The following ASPRV1 variants were observed in gnomAD, a reference collection of about 807,000 sequenced individuals.
ASPRV1 encodes retroviral-like aspartic protease 1.
ASPRV1 carries 7 observed loss-of-function variants against 11.0 expected under a neutral mutation model. That is an observed-to-expected ratio of 0.64 (90% confidence interval 0.36 to 1.20). The LOEUF (loss-of-function observed/expected upper bound fraction) is 1.20. ASPRV1 is among the 50% of genes most tolerant of loss of function. ASPRV1 has a pLI of 0.02. For synonymous variants in ASPRV1, 136 were observed against 138.4 expected (o/e 0.98, Z 0.12); for missense variants, 299 against 320.0 (o/e 0.93, Z 0.50).
the ASPRV1 span, among the ~76,000 whole-genome samples, chr2:70,026,776 C>G: frequency 6.6e-6 from 1 of 151,980 alleles, no homozygotes; most frequent in East Asian, 1.9e-4. Context: ...CCATATTACC[C>G]AAAGCAATCT....
At chr2:69,952,459 C>T in the ASPRV1 span, among the ~76,000 whole-genome samples, 6 of 150,396 alleles carry the variant, frequency 4.0e-5, no homozygotes, top group Non-Finnish European at 7.4e-5. Flanking sequence ...GAGCTGTGAT[C>T]GTGACACTGC....
the ASPRV1 span, among the ~76,000 whole-genome samples, chr2:69,974,337 C>CA: frequency 0.36 from 51,631 of 144,344 alleles, 9,306 homozygotes; most frequent in African/African-American, 0.47. Flanking sequence ...AACTCCATCT[C>CA]AAAAAAAAAA....
the ASPRV1 span, among the ~76,000 whole-genome samples, chr2:70,075,906 ACCAGT>A: frequency 6.6e-6 from 1 of 152,144 alleles, no homozygotes; most frequent in African/African-American, 2.4e-5. Flanking sequence ...TCTCATCATT[ACCAGT>A]CATGTGAAAA....
At chr2:69,979,329 G>A in the ASPRV1 span, among the ~76,000 whole-genome samples, 4 of 152,152 alleles carry the variant, frequency 2.6e-5, no homozygotes, top group South Asian at 2.1e-4. Flanking sequence ...CACCACGCCC[G>A]GCCAGGGACG....
the ASPRV1 span, among the ~76,000 whole-genome samples, chr2:69,985,073 G>A: frequency 1.3e-5 from 2 of 152,048 alleles, no homozygotes; most frequent in East Asian, 3.9e-4. Flanking sequence ...AGCCAGGATG[G>A]TCTCGATCTC....
At chr2:69,958,048 A>G (rs180948248), downstream of ASPRV1, among the ~76,000 whole-genome samples, 4 of 152,216 alleles carry the variant, frequency 2.6e-5, no homozygotes, top group Admixed American at 2.6e-4. Context: ...CCTCACCCAG[A>G]CAGCAAGCCC....
At chr2:69,958,691 C>T (rs948331606), downstream of ASPRV1, among the ~76,000 whole-genome samples, 10 of 152,266 alleles carry the variant, frequency 6.6e-5, no homozygotes, top group East Asian at 1.4e-3. Context: ...CGGGAGAGGG[C>T]TCGGCCCATG....
chr2:69,943,323 T>G, the ASPRV1 span, among the ~76,000 whole-genome samples: 1 of 152,228 alleles, frequency 6.6e-6, no homozygotes, highest in African/African-American at 2.4e-5. Flanking sequence ...TGCACACAAT[T>G]TAATGCAGTG....
At chr2:70,038,018 T>C in the ASPRV1 span, among the ~76,000 whole-genome samples, 19 of 152,218 alleles carry the variant, frequency 1.2e-4, no homozygotes, top group African/African-American at 2.7e-4. Context: ...AGAATTCTTC[T>C]GCCCAGTTGG....
the ASPRV1 span, chr2:70,063,973 T>G: frequency 6.6e-6 from 1 of 152,232 alleles, no homozygotes; most frequent in Non-Finnish European, 1.5e-5. Context: ...CTTCAGGCCT[T>G]TTGCTTCCTT....
At chr2:69,979,471 G>A in the ASPRV1 span, among the ~76,000 whole-genome samples, 32 of 152,198 alleles carry the variant, frequency 2.1e-4, no homozygotes, top group Admixed American at 6.5e-4. Context: ...AGGGGAGGAG[G>A]AACTGGGGAG....
the ASPRV1 span, among the ~76,000 whole-genome samples, chr2:70,024,151 A>T: frequency 6.6e-6 from 1 of 152,262 alleles, no homozygotes; most frequent in Admixed American, 6.5e-5. Flanking sequence ...AGATAAACTC[A>T]AGCTTTAAAA....
At chr2:70,052,805 A>G in the ASPRV1 span, among the ~76,000 whole-genome samples, 2 of 152,186 alleles carry the variant, frequency 1.3e-5, no homozygotes. Flanking sequence ...GCACACCTGC[A>G]GGATTTGAAG....
At chr2:70,049,022 ACTTT>A in the ASPRV1 span, 6 of 144,356 alleles carry the variant, frequency 4.2e-5, no homozygotes, top group African/African-American at 1.3e-4. Flanking sequence ...AAGTAAGATC[ACTTT>A]CTTTTTTTTT....
At chr2:70,082,166 G>T in the ASPRV1 span, among the ~76,000 whole-genome samples, 1 of 151,966 alleles carries the variant, frequency 6.6e-6, no homozygotes, top group East Asian at 1.9e-4. Flanking sequence ...TGTATTTTTA[G>T]TAGAGACACA....
chr2:69,935,292 TG>T, the ASPRV1 span: 3 of 1,222,812 alleles, frequency 2.5e-6, no homozygotes, highest in South Asian at 1.2e-5. Context: ...TCATTCTGCC[TG>T]GGGTGCTTCT....
At chr2:70,081,853 G>C in the ASPRV1 span, among the ~76,000 whole-genome samples, 1 of 151,820 alleles carries the variant, frequency 6.6e-6, no homozygotes, top group Admixed American at 6.6e-5. Context: ...CCAAAATGCT[G>C]GGATTACAGG....
chr2:70,049,321 ATGAC>A, the ASPRV1 span: 2 of 151,604 alleles, frequency 1.3e-5, no homozygotes, highest in African/African-American at 4.8e-5. Context: ...ACTTAGGACT[ATGAC>A]TGGCACACAA....
the ASPRV1 span, among the ~76,000 whole-genome samples, chr2:69,969,665 G>C: frequency 2.6e-5 from 4 of 152,012 alleles, no homozygotes; most frequent in South Asian, 8.3e-4. Flanking sequence ...TGCCCCAGCT[G>C]CCCACCTTAC....
Sources: allele counts gnomAD v4.1 joint callset (sites outside exome capture counted in the v4.1 genomes callset), GRCh38; gene constraint gnomAD v4.1.1; transcripts MANE v1.5; gene names NCBI Gene and HGNC (gene_info 2026-07-23, HGNC 2026-07-21).